Variants in NOS1AP observed in about 807,000 individuals in gnomAD.
NOS1AP encodes the protein nitric oxide synthase 1 adaptor protein.
A neutral mutation model predicts 56.2 loss-of-function variants in NOS1AP; 21 were observed. That is an observed-to-expected ratio of 0.37 (90% confidence interval 0.26 to 0.54). The LOEUF (loss-of-function observed/expected upper bound fraction) is 0.54, where lower values mean the gene tolerates loss of function less well. NOS1AP is among the 20% of genes least tolerant of loss of function. The probability of loss-of-function intolerance (pLI) is 0.84; values close to 1 mark genes in which losing one functional copy is unlikely to be tolerated. For missense variants in NOS1AP, 522 were observed against 657.8 expected (o/e 0.79, Z 2.26); for synonymous variants, 270 against 274.6 (o/e 0.98, Z 0.17).
intron 1 of NOS1AP, among the ~76,000 whole-genome samples, chr1:162,125,010 A>T (rs976787630): frequency 1.3e-5 from 2 of 151,694 alleles, no homozygotes; most frequent in Non-Finnish European, 2.9e-5. Flanking sequence ...ATCTACTTTT[A>T]GTTCTTTGAG....
At chr1:162,142,418 G>T (rs112133087) in intron 1 of NOS1AP, among the ~76,000 whole-genome samples, 109 of 152,022 alleles carry the variant, frequency 7.2e-4, no homozygotes, top group Non-Finnish European at 1.3e-3. Flanking sequence ...GTGTTTCTGC[G>T]TGTGTGTGTG....
chr1:162,159,117 G>A (rs1350690686), intron 2 of NOS1AP, among the ~76,000 whole-genome samples: 1 of 152,136 alleles, frequency 6.6e-6, no homozygotes, highest in Admixed American at 6.5e-5. Flanking sequence ...TGTGTGAATA[G>A]GTGAGTCCAG....
intron 2 of NOS1AP, among the ~76,000 whole-genome samples, chr1:162,202,395 C>T (rs1652023195): frequency 6.6e-6 from 1 of 152,002 alleles, no homozygotes; most frequent in African/African-American, 2.4e-5. Flanking sequence ...TTTATTTTTA[C>T]AAAGTTGAAA....
At chr1:162,082,533 G>A (rs1691917868) in intron 1 of NOS1AP, among the ~76,000 whole-genome samples, 1 of 152,164 alleles carries the variant, frequency 6.6e-6, no homozygotes, top group East Asian at 1.9e-4. Flanking sequence ...CACAATGGCT[G>A]AACTAATTTA....
chr1:162,075,501 G>A (rs563795442), intron 1 of NOS1AP, among the ~76,000 whole-genome samples: 2 of 152,166 alleles, frequency 1.3e-5, no homozygotes, highest in Non-Finnish European at 2.9e-5. Context: ...ATGACATTTG[G>A]TCACCGTAAA....
At chr1:162,248,922 C>G (rs569956673) in intron 2 of NOS1AP, among the ~76,000 whole-genome samples, 15 of 152,276 alleles carry the variant, frequency 9.9e-5, no homozygotes, top group Non-Finnish European at 1.8e-4. Flanking sequence ...CACAGCACCC[C>G]CCCCTTTCCT....
chr1:162,332,162 A>G (rs1464768296), intron 4 of NOS1AP, among the ~76,000 whole-genome samples: 1 of 152,024 alleles, frequency 6.6e-6, no homozygotes, highest in African/African-American at 2.4e-5. Flanking sequence ...CCTTCTGAAC[A>G]CTGCAGGGCT....
At position 162,334,577 on chromosome 1, in the gene NOS1AP, G is replaced by A. The variant is rs185161796; in HGVS notation, c.453+1452G>A. 5.5e-4 allele frequency among the ~76,000 whole-genome samples: 83 copies of A among 152,264 alleles called. No individual in the cohort carries two copies. The East Asian group carries it at 9.6e-3, about 18-fold the overall frequency. On this transcript the variant is annotated intron_variant, in intron 5 of 9. Coordinates refer to ENST00000361897, the MANE Select transcript of NOS1AP (RefSeq NM_014697.3). Reference sequence around the variant, plus strand: ...CTCCCTGATGGTCATGAATTGGCTCGTCTGTAAGGTTCTGACAGATGCAAC... The same window carrying A: ...CTCCCTGATGGTCATGAATTGGCTCATCTGTAAGGTTCTGACAGATGCAAC...
intron 4 of NOS1AP, chr1:162,317,376 A>C (rs1434249698): frequency 6.6e-6 from 1 of 152,226 alleles, no homozygotes; most frequent in East Asian, 1.9e-4. Context: ...ACACACGTGC[A>C]CATACACACA....
chr1:162,137,683 A>G (rs1175285125), intron 1 of NOS1AP, among the ~76,000 whole-genome samples: 1 of 151,984 alleles, frequency 6.6e-6, no homozygotes, highest in African/African-American at 2.4e-5. Flanking sequence ...CTGACGGATG[A>G]AAAAACTCAT....
chr1:162,123,792 C>T (rs917665699), intron 1 of NOS1AP, among the ~76,000 whole-genome samples: 1 of 152,182 alleles, frequency 6.6e-6, no homozygotes, highest in Non-Finnish European at 1.5e-5. Context: ...TCTATATACA[C>T]ACACACATTG....
intron 2 of NOS1AP, among the ~76,000 whole-genome samples, chr1:162,252,206 C>A (rs1445916050): frequency 6.6e-6 from 1 of 151,914 alleles, no homozygotes; most frequent in Non-Finnish European, 1.5e-5. Context: ...GCTACCATGT[C>A]CAGCTAATTT....
intron 2 of NOS1AP, among the ~76,000 whole-genome samples, chr1:162,155,708 T>C (rs1236013429): frequency 6.6e-6 from 1 of 152,208 alleles, no homozygotes; most frequent in Admixed American, 6.5e-5. Context: ...CAAATTCTCT[T>C]CTGATACCTG....
At chr1:162,301,896 A>C (rs1406887215) in intron 4 of NOS1AP, among the ~76,000 whole-genome samples, 1 of 152,282 alleles carries the variant, frequency 6.6e-6, no homozygotes. Flanking sequence ...TTTAAAGAGC[A>C]GATGCTTGTG....
At chr1:162,343,805 C>T in intron 5 of NOS1AP, 30 bp from the exon 6 acceptor site, 2 of 1,613,846 alleles carry the variant, frequency 1.2e-6, no homozygotes, top group Non-Finnish European at 1.7e-6. Flanking sequence ...CATCCTCACC[C>T]ATCCTGTTCT....
intron 1 of NOS1AP, among the ~76,000 whole-genome samples, chr1:162,086,974 T>C (rs1692016491): frequency 6.6e-6 from 1 of 152,238 alleles, no homozygotes. Flanking sequence ...CGTCCAACTG[T>C]ACCTGTGTGC....
chr1:162,350,513 C>A (rs1435555008), intron 6 of NOS1AP, among the ~76,000 whole-genome samples: 1 of 152,250 alleles, frequency 6.6e-6, no homozygotes, highest in African/African-American at 2.4e-5. Context: ...TATACTGCTT[C>A]TCTGACTCCT....
At chr1:162,256,710 A>T (rs1654041887) in intron 2 of NOS1AP, among the ~76,000 whole-genome samples, 1 of 152,242 alleles carries the variant, frequency 6.6e-6, no homozygotes, top group Non-Finnish European at 1.5e-5. Context: ...TGTAGCATAT[A>T]TGAAGTAACG....
At chr1:162,287,110 G>A (rs115695344) in intron 2 of NOS1AP, among the ~76,000 whole-genome samples, 3,716 of 152,228 alleles carry the variant, frequency 0.024, 69 homozygotes, top group Non-Finnish European at 0.037. Context: ...ATCTCATGAG[G>A]GTAGCTAGCT....
Sources: allele counts gnomAD v4.1 joint callset (sites outside exome capture counted in the v4.1 genomes callset), GRCh38; gene constraint gnomAD v4.1.1; transcripts MANE v1.5; gene names NCBI Gene and HGNC (gene_info 2026-07-23, HGNC 2026-07-21).